Variants in RUFY4 observed in about 807,000 individuals in gnomAD.
RUFY4 encodes RUN and FYVE domain-containing protein 4.
A neutral mutation model predicts 69.0 loss-of-function variants in RUFY4; 73 were observed. That is an observed-to-expected ratio of 1.06 (90% CI 0.88 to 1.29). The LOEUF (loss-of-function observed/expected upper bound fraction) is 1.29. Ranked by LOEUF, RUFY4 falls within the 50% of genes most tolerant of loss-of-function variation. The probability of loss-of-function intolerance (pLI) is 0.00; values close to 1 mark genes in which losing one functional copy is unlikely to be tolerated. For missense variants in RUFY4, 770 were observed against 705.6 expected (o/e 1.09, Z -1.03); for synonymous variants, 287 against 271.8 (o/e 1.06, Z -0.55).
chr2:218,070,584 A>G (rs752593916), exon 1 of RUFY4: 46 of 1,536,000 alleles, frequency 3.0e-5, no homozygotes, highest in Middle Eastern at 1.7e-4. Context: ...GTTGCAAGGA[A>G]TCACATCATT....
intron 2 of RUFY4, among the ~76,000 whole-genome samples, chr2:218,040,825 C>T (rs564233148): frequency 6.6e-6 from 1 of 152,066 alleles, no homozygotes; most frequent in Non-Finnish European, 1.5e-5. Flanking sequence ...GTGGACGACT[C>T]TGTCCCTCGA....
upstream of RUFY4, among the ~76,000 whole-genome samples, chr2:218,066,176 TC>T (rs1473851740): frequency 0.02 from 2,310 of 116,438 alleles, 75 homozygotes; most frequent in African/African-American, 0.064. Flanking sequence ...TCTTTTCTTT[TC>T]TTTTTTTTTT....
chr2:218,057,941 G>A (rs1689097507), intron 2 of RUFY4, among the ~76,000 whole-genome samples: 1 of 152,180 alleles, frequency 6.6e-6, no homozygotes, highest in Admixed American at 6.5e-5. Flanking sequence ...TCTAATCTCT[G>A]ATTTTTGTAA....
chr2:218,081,900 T>C (rs1419361546), intron 8 of RUFY4, among the ~76,000 whole-genome samples: 1 of 152,192 alleles, frequency 6.6e-6, no homozygotes, highest in Non-Finnish European at 1.5e-5. Context: ...TAAAATTACA[T>C]GTTCAATTCA....
At chr2:218,066,850 T>C (rs1048506558), upstream of RUFY4, among the ~76,000 whole-genome samples, 3 of 152,244 alleles carry the variant, frequency 2.0e-5, no homozygotes, top group African/African-American at 7.2e-5. Flanking sequence ...TCTTTCAAAA[T>C]GTGACAGATT....
At chr2:218,071,723 T>C (rs976461303) in intron 2 of RUFY4, among the ~76,000 whole-genome samples, 3 of 152,228 alleles carry the variant, frequency 2.0e-5, no homozygotes, top group African/African-American at 7.2e-5. Context: ...GCTTTACTTA[T>C]CTCATCTGTT....
At chr2:218,070,528 G>T in exon 1 of RUFY4, 1 of 1,235,882 alleles carries the variant, frequency 8.1e-7, no homozygotes, top group Non-Finnish European at 1.1e-6. Flanking sequence ...TGTAAGGAGA[G>T]AGCTGGGCAG....
At chr2:218,051,348 G>A (rs982146022) in intron 2 of RUFY4, among the ~76,000 whole-genome samples, 3 of 151,848 alleles carry the variant, frequency 2.0e-5, no homozygotes, top group Non-Finnish European at 2.9e-5. Context: ...TATATTCAGG[G>A]GATGTTTATA....
At chr2:218,052,487 G>T (rs1301164931) in intron 2 of RUFY4, among the ~76,000 whole-genome samples, 3 of 152,128 alleles carry the variant, frequency 2.0e-5, no homozygotes, top group Non-Finnish European at 2.9e-5. Context: ...CTTTGTATGA[G>T]GTTTGCCTTC....
At chr2:218,065,348 C>T (rs554367918), upstream of RUFY4, among the ~76,000 whole-genome samples, 11 of 152,292 alleles carry the variant, frequency 7.2e-5, no homozygotes, top group Admixed American at 2.6e-4. Flanking sequence ...CCCAGAGGGG[C>T]GAGGAAGGAG....
In RUFY4 at chr2:218,035,789, G is replaced by A. The variant is rs1178952311; in HGVS notation, c.-1158+395G>A. 3.3e-5 allele frequency among the ~76,000 whole-genome samples: 5 copies of A among 152,192 alleles called. No homozygotes were observed. In the South Asian group the frequency reaches 6.2e-4, roughly 19 times the overall value. ...CAGGCACCCTGCTCCCCCCACACAC[G>A]CAGCATCTGCTCAGCTCCAGCCTTG... On this transcript the variant is annotated intron_variant and NMD_transcript_variant, in intron 2 of 13. Coordinates refer to the RUFY4 transcript ENST00000457754.
upstream of RUFY4, among the ~76,000 whole-genome samples, chr2:218,067,177 C>T (rs1402794715): frequency 3.9e-5 from 6 of 152,240 alleles, no homozygotes; most frequent in East Asian, 7.7e-4. Flanking sequence ...ACTTAGCCCC[C>T]TCCCTGGCTC....
Position 218,073,885 on chromosome 2 carries a change from G to A in RUFY4, c.600G>A (p.Lys200=), listed in dbSNP as rs768264806. The A allele has an allele frequency of 5.0e-6, 8 of 1,613,888 alleles. No individual in the cohort carries two copies. The Middle Eastern group carries it at 8.2e-4, about 166-fold the overall frequency. Residue 200 remains lysine, a splice_region_variant and synonymous_variant, in exon 6 of 11, where the codon AAG becomes AAA. Coordinates refer to ENST00000344321, the Ensembl canonical transcript of RUFY4. Reference sequence around the variant, plus strand: ...GAAAAAACAAAGATGCCCCAAAGAAGGTGCCTCTGCCCTGCCTTCACTCTG... The same window carrying A: ...GAAAAAACAAAGATGCCCCAAAGAAAGTGCCTCTGCCCTGCCTTCACTCTG...
intron 2 of RUFY4, among the ~76,000 whole-genome samples, chr2:218,035,857 A>AT (rs1370829198): frequency 6.6e-6 from 1 of 152,264 alleles, no homozygotes; most frequent in Non-Finnish European, 1.5e-5. Flanking sequence ...AAGAACACAC[A>AT]TTTCCATTCA....
At chr2:218,040,834 G>A (rs1029601245) in intron 2 of RUFY4, among the ~76,000 whole-genome samples, 3 of 152,120 alleles carry the variant, frequency 2.0e-5, no homozygotes, top group South Asian at 2.1e-4. Flanking sequence ...TCTGTCCCTC[G>A]ATTTGCAGAT....
chr2:218,056,112 C>G (rs1399219376), intron 2 of RUFY4, among the ~76,000 whole-genome samples: 1 of 152,132 alleles, frequency 6.6e-6, no homozygotes, highest in African/African-American at 2.4e-5. Flanking sequence ...TCACGGAATG[C>G]TACACAATGG....
intron 9 of RUFY4, among the ~76,000 whole-genome samples, chr2:218,086,043 A>G (rs1689886767): frequency 6.6e-6 from 1 of 152,276 alleles, no homozygotes; most frequent in Admixed American, 6.5e-5. Flanking sequence ...TATAAAAAGC[A>G]GCTGTCAAAA....
downstream of RUFY4, chr2:218,090,589 A>G (rs1690009973): frequency 6.5e-6 from 1 of 154,712 alleles, no homozygotes; most frequent in East Asian, 1.9e-4. Flanking sequence ...GTACAATTTG[A>G]TGAGTTTTGA....
intron 2 of RUFY4, among the ~76,000 whole-genome samples, chr2:218,047,681 G>C (rs116036281): frequency 6.6e-6 from 1 of 151,988 alleles, no homozygotes. Context: ...TAGGATGTAC[G>C]TGGTTTCATT....
Sources: allele counts gnomAD v4.1 joint callset (sites outside exome capture counted in the v4.1 genomes callset), GRCh38; gene constraint gnomAD v4.1.1; transcripts MANE v1.5; gene names NCBI Gene and HGNC (gene_info 2026-07-23, HGNC 2026-07-21).